Variants in ANGPT2 observed in about 807,000 individuals in gnomAD.
ANGPT2 encodes angiopoietin-2.
Under a neutral mutation model 62.9 loss-of-function variants are expected in ANGPT2, and 28 were observed. The observed-to-expected ratio is 0.44, with a 90% CI of 0.33 to 0.61. The LOEUF (loss-of-function observed/expected upper bound fraction) is 0.61, where lower values mean the gene tolerates loss of function less well. ANGPT2 is among the 20% of genes least tolerant of loss of function. The pLI, the probability that ANGPT2 is intolerant of heterozygous loss-of-function variation, is 0.03. For synonymous variants in ANGPT2, 284 were observed against 207.8 expected (o/e 1.37, Z -3.15); for missense variants, 727 against 594.9 (o/e 1.22, Z -2.31).
At chr8:6,524,512 G>A (rs2129570088) in intron 3 of ANGPT2, among the ~76,000 whole-genome samples, 1 of 152,324 alleles carries the variant, frequency 6.6e-6, no homozygotes, top group East Asian at 1.9e-4. Flanking sequence ...GAAAGCATGT[G>A]AAATTGACAT....
rs1811773327 is a variant in ANGPT2 at position 6,499,682 on chromosome 8, T to C, written c.*3419A>G. The C allele has an allele frequency of 5.0e-6, 3 of 603,516 alleles. No homozygotes were observed. Among genetic ancestry groups the C allele is most frequent in the East Asian group, 2.8e-5 (1 of 35,386 alleles). The allele number at this position is 603,516 out of a possible 1,614,324, so 37.4% of individuals were successfully genotyped here. ...TCAATCAACTTTTTATTAATATTCATAACATTTATGCAACATGAAGATTCT... is the reference window on the plus strand; with the variant it reads ...TCAATCAACTTTTTATTAATATTCACAACATTTATGCAACATGAAGATTCT... On this transcript the variant is annotated 3_prime_UTR_variant, in exon 9 of 9. Coordinates refer to ENST00000629816, the MANE Select transcript of ANGPT2 (RefSeq NM_001118887.2).
At chr8:6,557,213 T>A (rs924605435) in intron 1 of ANGPT2, among the ~76,000 whole-genome samples, 3 of 152,160 alleles carry the variant, frequency 2.0e-5, no homozygotes, top group African/African-American at 7.2e-5. Context: ...CGTGTTTGCT[T>A]TACCGCTGGG....
chr8:6,539,651 A>ACAG (rs1821173533), intron 1 of ANGPT2, among the ~76,000 whole-genome samples: 2 of 152,028 alleles, frequency 1.3e-5, no homozygotes, highest in Non-Finnish European at 2.9e-5. Flanking sequence ...CAGCGGCGTG[A>ACAG]TCTTGGCTCA....
chr8:6,526,089 C>T (rs1429124090), intron 3 of ANGPT2, among the ~76,000 whole-genome samples: 8 of 151,950 alleles, frequency 5.3e-5, no homozygotes, highest in Non-Finnish European at 1.5e-5. Flanking sequence ...GGAATCACTG[C>T]AGCATTTTGA....
chr8:6,528,645 T>C (rs1818845216), intron 2 of ANGPT2, among the ~76,000 whole-genome samples: 2 of 152,238 alleles, frequency 1.3e-5, no homozygotes, highest in Non-Finnish European at 2.9e-5. Context: ...TCCCGCGGAT[T>C]CTCTAGCGCC....
At chr8:6,517,543 C>G (rs1816497549) in intron 5 of ANGPT2, among the ~76,000 whole-genome samples, 1 of 152,188 alleles carries the variant, frequency 6.6e-6, no homozygotes, top group African/African-American at 2.4e-5. Flanking sequence ...ACCAATTGAA[C>G]ATTCTTTTCT....
intron 8 of ANGPT2, among the ~76,000 whole-genome samples, chr8:6,504,607 G>A (rs1375203648): frequency 6.6e-6 from 1 of 152,138 alleles, no homozygotes; most frequent in African/African-American, 2.4e-5. Flanking sequence ...ATATGTCAAA[G>A]AGAAGCTGTA....
intron 2 of ANGPT2, among the ~76,000 whole-genome samples, chr8:6,527,928 C>G (rs909729130): frequency 3.2e-5 from 4 of 126,964 alleles, no homozygotes; most frequent in East Asian, 2.3e-4. Flanking sequence ...TGGAATCTCG[C>G]TCCATTGCCC....
chr8:6,559,396 T>C (rs1234260156), intron 1 of ANGPT2, among the ~76,000 whole-genome samples: 2 of 152,180 alleles, frequency 1.3e-5, no homozygotes, highest in African/African-American at 4.8e-5. Context: ...CATTCGTGAG[T>C]AGTAGCTCTC....
rs1488727843 is a variant in ANGPT2 at position 6,527,671 on chromosome 8, T to A, written c.450A>T (p.Leu150Phe). 2 of 1,611,962 alleles carry A rather than the reference T, an allele frequency of 1.2e-6. No individual in the cohort carries two copies. Among genetic ancestry groups the A allele is most frequent in the Non-Finnish European group, 8.5e-7 (1 of 1,179,196 alleles). ...RKLTDVEAQVLNQTTRLELQL... is the reference protein window; with the variant it reads ...RKLTDVEAQVFNQTTRLELQL... ...GAAGTTCAAGTCTCGTGGTCTGATT[T>A]AATACCTAAATGTAACAAAATGAAG... The change falls in exon 3 of 9, where the codon TTA becomes TTT. Residue 150 changes from leucine (L) to phenylalanine (F), a missense_variant. Coordinates refer to ENST00000629816, the MANE Select transcript of ANGPT2 (RefSeq NM_001118887.2).
At chr8:6,508,696 T>C in intron 8 of ANGPT2, 1 of 613,388 alleles carries the variant, frequency 1.6e-6, no homozygotes, top group South Asian at 2.1e-5. Context: ...TTGCCAGGGC[T>C]AGGTCCTGAG....
At chr8:6,540,138 C>T (rs908450796) in intron 1 of ANGPT2, among the ~76,000 whole-genome samples, 6 of 152,132 alleles carry the variant, frequency 3.9e-5, no homozygotes, top group African/African-American at 7.2e-5. Context: ...AAATCCTATC[C>T]GCTTTGCTCT....
intron 1 of ANGPT2, among the ~76,000 whole-genome samples, chr8:6,561,369 T>G (rs555547952): frequency 6.6e-6 from 1 of 152,340 alleles, no homozygotes; most frequent in South Asian, 2.1e-4. Context: ...GCTGGGAACA[T>G]TCATTCACAT....
chr8:6,542,374 A>G (rs1466896173), intron 1 of ANGPT2, among the ~76,000 whole-genome samples: 1 of 151,794 alleles, frequency 6.6e-6, no homozygotes, highest in African/African-American at 2.4e-5. Flanking sequence ...ACATTCCAAA[A>G]CTTGTGTGTG....
intron 1 of ANGPT2, among the ~76,000 whole-genome samples, chr8:6,553,068 T>C (rs368460750): frequency 6.6e-6 from 1 of 152,254 alleles, no homozygotes; most frequent in African/African-American, 2.4e-5. Context: ...ACCCACAGAA[T>C]GTACAGCACC....
chr8:6,547,913 C>G (rs1822904250), intron 1 of ANGPT2, among the ~76,000 whole-genome samples: 2 of 149,510 alleles, frequency 1.3e-5, no homozygotes, highest in Admixed American at 1.3e-4. Context: ...AACCAAAACT[C>G]ACTGTGGTTA....
intron 1 of ANGPT2, among the ~76,000 whole-genome samples, chr8:6,538,378 C>A (rs1413947336): frequency 2.0e-5 from 3 of 152,216 alleles, no homozygotes; most frequent in African/African-American, 7.2e-5. Context: ...AGCTGCTCTC[C>A]TTTCATCCCG....
At chr8:6,514,222 C>T (rs1380703364) in intron 6 of ANGPT2, among the ~76,000 whole-genome samples, 3 of 152,172 alleles carry the variant, frequency 2.0e-5, no homozygotes, top group South Asian at 2.1e-4. Flanking sequence ...GAGAGTCTTA[C>T]TCTGTTGCCC....
At chr8:6,538,499 G>A (rs11989242) in intron 1 of ANGPT2, among the ~76,000 whole-genome samples, 62,194 of 151,842 alleles carry the variant, frequency 0.41, 13,780 homozygotes, top group Middle Eastern at 0.51. Flanking sequence ...GACACACACC[G>A]CCTCCTGACT....
Sources: allele counts gnomAD v4.1 joint callset (sites outside exome capture counted in the v4.1 genomes callset), GRCh38; gene constraint gnomAD v4.1.1; transcripts MANE v1.5; gene names NCBI Gene and HGNC (gene_info 2026-07-23, HGNC 2026-07-21).